PUS7: variants seen among roughly 807,000 people sequenced by gnomAD.
PUS7 encodes the protein pseudouridine synthase 7.
A neutral mutation model predicts 79.8 loss-of-function variants in PUS7; 48 were observed. The ratio of observed to expected loss-of-function variants is 0.60; its 90% CI spans 0.48 to 0.76. The LOEUF is 0.76. PUS7 is among the 30% of genes least tolerant of loss of function. PUS7 has a pLI of 0.00. For missense variants in PUS7, 729 were observed against 797.6 expected (o/e 0.91, Z 1.04); for synonymous variants, 286 against 272.2 (o/e 1.05, Z -0.50).
chr7:105,510,041 C>T (rs1375862983), intron 1 of PUS7, among the ~76,000 whole-genome samples: 1 of 152,124 alleles, frequency 6.6e-6, no homozygotes, highest in Non-Finnish European at 1.5e-5. Flanking sequence ...TGGCTCACAC[C>T]TGTAATCCCA....
rs200662393 is a variant in PUS7 at position 105,502,462 on chromosome 7, A to G, written c.688T>C (p.Tyr230His). The G allele has an allele frequency of 3.1e-6, 5 of 1,614,114 alleles. No homozygotes were observed. The African/African-American group carries it at 4.0e-5, about 13-fold the overall frequency. ...TKTEDREGKK[Y>H]IVAYHAAGKK... ...CCAGCTGCGTGGTAGGCTACAATGT[A>G]TTTCTTCCCCTCCCTATCCTCTGTT... is the stretch of plus-strand genomic sequence containing the variant. Residue 230 changes from tyrosine (Y) to histidine (H), a missense_variant, in exon 5 of 16, where the codon TAC (tyrosine) becomes CAC (histidine). Transcript: ENST00000469408.
chr7:105,504,146 T>C (rs982940155), intron 4 of PUS7, among the ~76,000 whole-genome samples: 5 of 137,160 alleles, frequency 3.6e-5, no homozygotes, highest in Non-Finnish European at 8.2e-5. Context: ...CTCGGCTCAC[T>C]GCAACCTCCA....
intron 14 of PUS7, among the ~76,000 whole-genome samples, chr7:105,460,355 G>A (rs1415878324): frequency 4.6e-5 from 7 of 152,152 alleles, no homozygotes; most frequent in Non-Finnish European, 1.5e-5. Context: ...ACAACAGCTT[G>A]TTACTGAGAA....
chr7:105,465,320 C>T lies in PUS7; in HGVS notation c.1620G>A (p.Lys540=), dbSNP rs765621134. The T allele has an allele frequency of 1.2e-6, 2 of 1,606,174 alleles. No homozygotes were observed. The highest frequency in any genetic ancestry group is 2.2e-5 in the East Asian group (1 of 44,746). The part of the protein sequence containing the change: ...PLPGFDVIYP[K]HKIQEAYREM... The stretch of plus-strand genomic sequence containing the variant: ...CCCATACAGGGAACTTACTTTTATG[C>T]TTTGGGTAGATAACATCGAAACCAG... Residue 540 remains lysine (K), a synonymous_variant, in exon 13 of 16, where the codon AAG becomes AAA. Coordinates refer to ENST00000469408, the MANE Select transcript of PUS7 (RefSeq NM_019042.5).
chr7:105,514,644 TA>T, intron 1 of PUS7, among the ~76,000 whole-genome samples: 1 of 151,614 alleles, frequency 6.6e-6, no homozygotes, highest in Non-Finnish European at 1.5e-5. Context: ...AAACAGAATC[TA>T]AAAGCTGTTG....
At chr7:105,473,663 C>T (rs573352496) in intron 9 of PUS7, among the ~76,000 whole-genome samples, 1 of 152,012 alleles carries the variant, frequency 6.6e-6, no homozygotes, top group East Asian at 1.9e-4. Context: ...ACGTGATCCG[C>T]CTGCCTCGGC....
chr7:105,521,820 G>GGAGCGGGGAGCGGA (rs200474347), intron 1 of PUS7, among the ~76,000 whole-genome samples: 20,181 of 151,316 alleles, frequency 0.13, 1,711 homozygotes, highest in South Asian at 0.26. Context: ...CGGGGAGCGG[G>GGAGCGGGGAGCGGA]GAGCGGAGAG....
chr7:105,479,865 G>T (rs899343440), intron 9 of PUS7, among the ~76,000 whole-genome samples: 1 of 152,126 alleles, frequency 6.6e-6, no homozygotes, highest in Non-Finnish European at 1.5e-5. Context: ...GGGTGAGGTG[G>T]TGCATGCCTG....
chr7:105,460,421 A>G (rs186797945), intron 14 of PUS7, among the ~76,000 whole-genome samples: 4 of 152,330 alleles, frequency 2.6e-5, no homozygotes, highest in African/African-American at 4.8e-5. Context: ...CCTCTTGCCT[A>G]TACTCCAGAG....
chr7:105,504,004 G>A (rs1312958158), intron 4 of PUS7, among the ~76,000 whole-genome samples: 5 of 151,404 alleles, frequency 3.3e-5, no homozygotes, highest in Admixed American at 6.6e-5. Flanking sequence ...CCCATTAATG[G>A]GTTGTAACCT....
At chr7:105,499,619 A>G (rs113553566) in intron 5 of PUS7, among the ~76,000 whole-genome samples, 2,030 of 152,288 alleles carry the variant, frequency 0.013, 47 homozygotes, top group Non-Finnish European at 0.017. Flanking sequence ...GGCTTAACAC[A>G]TAAAATAATG....
At chr7:105,498,637 C>T (rs183228174) in intron 5 of PUS7, among the ~76,000 whole-genome samples, 133 of 152,240 alleles carry the variant, frequency 8.7e-4, no homozygotes, top group African/African-American at 3.2e-3. Flanking sequence ...CGGAACATTC[C>T]TTCCTTCTTA....
chr7:105,483,216 C>T (rs572591213), intron 7 of PUS7, among the ~76,000 whole-genome samples: 1 of 151,040 alleles, frequency 6.6e-6, no homozygotes, highest in Non-Finnish European at 1.5e-5. Flanking sequence ...GTTGCCCAGA[C>T]TGGAGTGCAG....
At chr7:105,478,846 A>G (rs1477818061) in intron 9 of PUS7, among the ~76,000 whole-genome samples, 1 of 152,214 alleles carries the variant, frequency 6.6e-6, no homozygotes, top group Non-Finnish European at 1.5e-5. Flanking sequence ...AGCTGACCGT[A>G]CTGACCTTTG....
chr7:105,512,974 C>T (rs1309364214), intron 1 of PUS7, among the ~76,000 whole-genome samples: 1 of 152,198 alleles, frequency 6.6e-6, no homozygotes, highest in Admixed American at 6.6e-5. Context: ...ACTCAAGTTT[C>T]CATCCCTGGG....
chr7:105,504,356 C>T (rs1355802952), intron 4 of PUS7, among the ~76,000 whole-genome samples: 1 of 152,034 alleles, frequency 6.6e-6, no homozygotes, highest in East Asian at 1.9e-4. Flanking sequence ...CAGGTGTGAG[C>T]CACTGCGCCC....
At chr7:105,480,412 T>C (rs544067963) in intron 9 of PUS7, among the ~76,000 whole-genome samples, 6 of 151,814 alleles carry the variant, frequency 4.0e-5, no homozygotes, top group African/African-American at 1.5e-4. Flanking sequence ...GAGGTGGAGA[T>C]TGCAGTGAGC....
chr7:105,503,255 A>G (rs913248669), intron 4 of PUS7, among the ~76,000 whole-genome samples: 2 of 152,214 alleles, frequency 1.3e-5, no homozygotes, highest in African/African-American at 4.8e-5. Flanking sequence ...GCACCTTCTC[A>G]GGGTCTCTGC....
chr7:105,465,308 C>G lies in PUS7; in HGVS notation c.1627+5G>C. ...TTAACTATTTTCCCCATACAGGGAA[C>G]TTACTTTTATGCTTTGGGTAGATAA... On this transcript the variant is annotated splice_donor_5th_base_variant and intron_variant, in intron 13 of 15. Coordinates refer to ENST00000469408, the MANE Select transcript of PUS7 (RefSeq NM_019042.5). The G allele has an allele frequency of 6.3e-7, 1 of 1,591,658 alleles. No individual in the cohort carries two copies. Among genetic ancestry groups the G allele is most frequent in the Non-Finnish European group, 8.6e-7 (1 of 1,160,888 alleles).
Sources: gnomAD v4.1 joint callset for allele counts (sites outside exome capture counted in the v4.1 genomes callset) on GRCh38, gnomAD v4.1.1 for gene constraint, MANE v1.5 for transcripts, NCBI Gene and HGNC (gene_info 2026-07-23, HGNC 2026-07-21) for gene names.